The following NELL1 variants were observed in gnomAD, a reference collection of about 807,000 sequenced individuals.
NELL1 encodes protein kinase C-binding protein NELL1.
A neutral mutation model predicts 107.4 loss-of-function variants in NELL1; 76 were observed. The observed-to-expected ratio is 0.71, with a 90% confidence interval of 0.59 to 0.86. NELL1 has a LOEUF of 0.86. Ranked by LOEUF, NELL1 falls within the 40% of genes least tolerant of loss-of-function variation. The probability of loss-of-function intolerance (pLI) is 0.00; values close to 1 mark genes in which losing one functional copy is unlikely to be tolerated. For missense variants in NELL1, 1,024 were observed against 1,005.5 expected (o/e 1.02, Z -0.25); for synonymous variants, 353 against 341.2 (o/e 1.03, Z -0.38).
intron 15 of NELL1, among the ~76,000 whole-genome samples, chr11:21,476,758 G>A (rs1242610838): frequency 6.6e-6 from 1 of 152,078 alleles, no homozygotes; most frequent in South Asian, 2.1e-4. Context: ...AGGTGGTAGC[G>A]GCATAGTGCA....
chr11:21,188,252 C>G (rs2133832275), intron 13 of NELL1, among the ~76,000 whole-genome samples: 1 of 151,910 alleles, frequency 6.6e-6, no homozygotes, highest in East Asian at 1.9e-4. Context: ...GCTTTTTCTC[C>G]TCAGTCACTG....
intron 12 of NELL1, among the ~76,000 whole-genome samples, chr11:21,097,890 GAAAACAC>G (rs1031116382): frequency 1.7e-4 from 26 of 149,496 alleles, no homozygotes. Context: ...AAGCAGTCAA[GAAAACAC>G]TGCTCTCAAA....
At position 20,813,819 on chromosome 11, in the gene NELL1, G is replaced by A. The variant is rs556166750; in HGVS notation, c.335+29989G>A. ...TTCAGGGTGAATTTGCACTTCTCTT[G>A]AGACATAATGAAAAGGGAAGTGAAT... On this transcript the variant is annotated intron_variant, in intron 3 of 19. Transcript: ENST00000357134. Among the ~76,000 whole-genome samples, 12 of 152,142 alleles carry A rather than the reference G, an allele frequency of 7.9e-5. No individual in the cohort carries two copies. The South Asian group carries it at 2.5e-3, about 32-fold the overall frequency.
At chr11:21,131,343 TGA>T (rs751697763) in intron 13 of NELL1, among the ~76,000 whole-genome samples, 33 of 152,226 alleles carry the variant, frequency 2.2e-4, no homozygotes, top group Admixed American at 9.8e-4. Context: ...GCATTCACCA[TGA>T]ATGCTGAATA....
rs1564869941 is a variant in NELL1 at position 20,703,764 on chromosome 11, CGA to C, written c.184+25705_184+25706del. Reference sequence around the variant, plus strand: ...TTCTGCCTTCATTTCCTTATGTACCCGAAAGTCATTCAGGAGCAGGTTGTTCA... The same window carrying C: ...TTCTGCCTTCATTTCCTTATGTACCCAAGTCATTCAGGAGCAGGTTGTTCA... On this transcript the variant is annotated intron_variant, in intron 2 of 19. Coordinates refer to ENST00000357134, the MANE Select transcript of NELL1 (RefSeq NM_006157.5). Among the ~76,000 whole-genome samples the C allele has an allele frequency of 1.1e-3, 170 of 152,188 alleles. 2 individuals carry two copies. The highest frequency in any genetic ancestry group is 3.9e-3 in the African/African-American group (163 of 41,496).
At chr11:21,338,410 C>T (rs1850485071) in intron 14 of NELL1, among the ~76,000 whole-genome samples, 1 of 152,176 alleles carries the variant, frequency 6.6e-6, no homozygotes, top group South Asian at 2.1e-4. Flanking sequence ...GTCAGAGGTT[C>T]TCAGACTTTG....
At position 20,918,210 on chromosome 11, in the gene NELL1, T is replaced by C; in HGVS notation, c.632T>C (p.Phe211Ser). 6.2e-7 allele frequency: 1 copy of C among 1,601,356 alleles called. No homozygotes were observed. The highest frequency in any genetic ancestry group is 8.6e-7 in the Non-Finnish European group (1 of 1,169,200). The change falls in exon 6 of 20, where the codon TTT becomes TCT. Residue 211 changes from phenylalanine (F) to serine (S), a missense_variant. Transcript: ENST00000357134. ...ATCATCCAAGATGGGAAGATCATCT[T>C]TATGCCGAATGGATATATAACACAG... ...KGIIQDGKII[F>S]MPNGYITQCP... is the part of the protein sequence containing the mutation.
At chr11:21,020,493 G>C (rs1852671892) in intron 12 of NELL1, among the ~76,000 whole-genome samples, 1 of 152,032 alleles carries the variant, frequency 6.6e-6, no homozygotes, top group East Asian at 1.9e-4. Flanking sequence ...TGAGAAGAAA[G>C]TTAGTTTTGT....
intron 12 of NELL1, among the ~76,000 whole-genome samples, chr11:20,963,267 A>G (rs1200185194): frequency 4.6e-5 from 7 of 152,060 alleles, no homozygotes; most frequent in African/African-American, 1.2e-4. Flanking sequence ...CTCTACCCCT[A>G]TTACCACCAT....
chr11:21,321,807 T>G (rs1850017534), intron 14 of NELL1, among the ~76,000 whole-genome samples: 1 of 152,206 alleles, frequency 6.6e-6, no homozygotes, highest in African/African-American at 2.4e-5. Context: ...GTCCCACACA[T>G]GGTGTAAGGT....
chr11:21,329,961 T>C (rs1441325801), intron 14 of NELL1, among the ~76,000 whole-genome samples: 1 of 152,126 alleles, frequency 6.6e-6, no homozygotes, highest in East Asian at 1.9e-4. Context: ...TATATATAGC[T>C]TAATGTCTTT....
At chr11:21,086,400 A>G (rs1854392408) in intron 12 of NELL1, among the ~76,000 whole-genome samples, 1 of 152,160 alleles carries the variant, frequency 6.6e-6, no homozygotes, top group South Asian at 2.1e-4. Flanking sequence ...AAGCACTAGT[A>G]TTTTCATTTA....
At chr11:21,554,814 G>A (rs1591031878) in intron 16 of NELL1, among the ~76,000 whole-genome samples, 1 of 151,940 alleles carries the variant, frequency 6.6e-6, no homozygotes, top group East Asian at 2.0e-4. Flanking sequence ...GATGGACTGG[G>A]ACAGAGTTGA....
At chr11:20,981,194 G>A (rs11025848) in intron 12 of NELL1, among the ~76,000 whole-genome samples, 6 of 152,064 alleles carry the variant, frequency 3.9e-5, no homozygotes, top group Non-Finnish European at 8.8e-5. Flanking sequence ...CAGACAAATA[G>A]GGAGAAAAAA....
chr11:20,847,138 A>C (rs1564932235), intron 3 of NELL1, among the ~76,000 whole-genome samples: 1 of 152,196 alleles, frequency 6.6e-6, no homozygotes, highest in Non-Finnish European at 1.5e-5. Context: ...TCATTCTGAC[A>C]ATGTATTTCA....
intron 12 of NELL1, among the ~76,000 whole-genome samples, chr11:21,106,244 G>T (rs969757256): frequency 2.6e-5 from 4 of 152,016 alleles, no homozygotes; most frequent in Non-Finnish European, 5.9e-5. Flanking sequence ...TCTCCTGGCA[G>T]TCCAGGTCTG....
chr11:21,310,151 C>T (rs567998845), intron 14 of NELL1, among the ~76,000 whole-genome samples: 1 of 152,086 alleles, frequency 6.6e-6, no homozygotes, highest in South Asian at 2.1e-4. Context: ...GAATGAGGTT[C>T]AAAATAACTA....
In NELL1 at chr11:21,393,381, G is replaced by A. The variant is rs151213317; in HGVS notation, c.1645+22433G>A. On this transcript the variant is annotated intron_variant, in intron 15 of 19. Coordinates refer to ENST00000357134, the MANE Select transcript of NELL1 (RefSeq NM_006157.5). ...AAGAGCAAAATTAAATTTGGGAAGG[G>A]TAATTACAATTAAATACACTTTGTT... Among the ~76,000 whole-genome samples, 50 of 151,636 alleles carry A rather than the reference G, an allele frequency of 3.3e-4. 3 individuals are homozygous for A. In the East Asian group the frequency reaches 9.6e-3, roughly 29 times the overall value.
At chr11:21,087,180 A>G (rs1854415280) in intron 12 of NELL1, among the ~76,000 whole-genome samples, 1 of 152,158 alleles carries the variant, frequency 6.6e-6, no homozygotes, top group South Asian at 2.1e-4. Context: ...TATCTTTGAC[A>G]TTGGAGGTAG....
Sources: gnomAD v4.1 joint callset for allele counts (sites outside exome capture counted in the v4.1 genomes callset) on GRCh38, gnomAD v4.1.1 for gene constraint, MANE v1.5 for transcripts, NCBI Gene and HGNC (gene_info 2026-07-23, HGNC 2026-07-21) for gene names.